Variants in KBTBD11 observed in about 807,000 individuals in gnomAD.
The protein encoded by KBTBD11 is kelch repeat and BTB domain-containing protein 11.
For missense variants in KBTBD11, 1,390 were observed against 1,001.8 expected, an observed-to-expected ratio of 1.39 and a Z score of -5.23; for synonymous variants, 747 against 499.0, an observed-to-expected ratio of 1.50 and a Z score of -6.63.
In KBTBD11 at chr8:2,001,469, T is replaced by TC; in HGVS notation, c.281dup (p.Glu95Ter). On this transcript the variant is annotated frameshift_variant, in exon 2 of 2. Transcript: ENST00000320248. LOFTEE classifies it low-confidence loss of function (END_TRUNC). ...CGCCGCGTCCCCGGAGGAGCTCGCG[T>TC]CCCCTGAGGAGCGCGCGTGCCCGGA... 2 of 1,362,938 alleles carry TC rather than the reference T, an allele frequency of 1.5e-6. No individual in the cohort carries two copies. Among genetic ancestry groups the TC allele is most frequent in the Non-Finnish European group, 1.9e-6 (2 of 1,066,250 alleles). The allele number at this position is 1,362,938 out of a possible 1,614,324, so 84.4% of individuals were successfully genotyped here. A position where few individuals can be genotyped will look rare whatever the true frequency, so the allele number is the denominator to read the frequency against.
In KBTBD11 at chr8:1,973,904, G is replaced by A. The variant is rs1816210594; in HGVS notation, c.-940G>A. 2 of 982,812 alleles carry A rather than the reference G, an allele frequency of 2.0e-6. No homozygotes were observed. The highest frequency in any genetic ancestry group is 2.4e-6 in the Non-Finnish European group (2 of 828,812). The allele number at this position is 982,812 out of a possible 1,614,324, so 60.9% of individuals were successfully genotyped here. A position where few individuals can be genotyped will look rare whatever the true frequency, so the allele number is the denominator to read the frequency against. On this transcript the variant is annotated 5_prime_UTR_variant, in exon 1 of 2. Transcript: ENST00000320248. ...GCCCACCCGCCTGGCTGCGCGTCCC[G>A]GGCCCGGCGGCTGAAGAGGAGCCGC...
In KBTBD11 at chr8:2,002,371, C is replaced by T. The variant is rs781084410; in HGVS notation, c.1179C>T (p.Ser393=). 5 of 1,476,146 alleles carry T rather than the reference C, an allele frequency of 3.4e-6. No individual in the cohort carries two copies. The highest frequency in any genetic ancestry group is 2.3e-5 in the Admixed American group (1 of 43,752). The allele number at this position is 1,476,146 out of a possible 1,614,324, so 91.4% of individuals were successfully genotyped here. ...FCYNPATDSW[S]AVRPLRQARS... is the part of the protein sequence containing the mutation. ...ACAACCCGGCCACGGACAGCTGGAG[C>T]GCCGTGAGGCCCCTGCGCCAGGCGC... The change falls in exon 2 of 2, where the codon AGC becomes AGT. Residue 393 remains serine (S), a synonymous_variant. Coordinates refer to ENST00000320248, the MANE Select transcript of KBTBD11 (RefSeq NM_014867.3). This position sits in a 1 kb window ranked among gnomAD's most constrained non-coding sequence, Gnocchi z 4.1.
intron 1 of KBTBD11, among the ~76,000 whole-genome samples, chr8:1,986,492 A>G (rs893239607): frequency 6.6e-6 from 1 of 152,204 alleles, no homozygotes; most frequent in Non-Finnish European, 1.5e-5. Context: ...GTAATCTTGG[A>G]CAAGTCTCTC....
chr8:1,982,156 T>C (rs1435491083), intron 1 of KBTBD11, among the ~76,000 whole-genome samples: 1 of 152,208 alleles, frequency 6.6e-6, no homozygotes, highest in African/African-American at 2.4e-5. Flanking sequence ...AGTTATTTTA[T>C]TGAATCAGTT....
Position 2,001,644 on chromosome 8 carries a change from TGCGCGCGCACAAGGCGGTGCTGGCG to T in KBTBD11, c.459_483del (p.His154AlafsTer18). The stretch of plus-strand genomic sequence containing the variant: ...GTGCTGGAGGTGTCGGGGCGCCGGC[TGCGCGCGCACAAGGCGGTGCTGGCG>T]GCGCGCAGCGACTACTTCCGCGCGC... On this transcript the variant is annotated frameshift_variant, in exon 2 of 2. Transcript: ENST00000320248. LOFTEE classifies it low-confidence loss of function (END_TRUNC). 1 of 1,478,494 alleles carries T rather than the reference TGCGCGCGCACAAGGCGGTGCTGGCG, an allele frequency of 6.8e-7. No homozygotes were observed. Among genetic ancestry groups the T allele is most frequent in the Non-Finnish European group, 8.9e-7 (1 of 1,120,242 alleles). 91.6% of individuals were successfully genotyped at this position (1,478,494 alleles called of 1,614,324 possible).
chr8:2,002,483 C>A lies in KBTBD11; in HGVS notation c.1291C>A (p.Arg431Ser). The A allele has an allele frequency of 6.6e-7, 1 of 1,507,376 alleles. No individual in the cohort carries two copies. Among genetic ancestry groups the A allele is most frequent in the South Asian group, 1.2e-5 (1 of 80,912 alleles). 93.4% of individuals were successfully genotyped at this position (1,507,376 alleles called of 1,614,324 possible). A position where few individuals can be genotyped will look rare whatever the true frequency, so the allele number is the denominator to read the frequency against. ...GCTCAGCGTGGAGCGCTACGACCCG[C>A]GCGCCGACCGCTGGGCCCCCGTGGC... ...CLLSVERYDP[R>S]ADRWAPVAPL... Residue 431 changes from arginine (R) to serine (S), a missense_variant, in exon 2 of 2, where the codon CGC becomes AGC. Arg to Ser is a moderately radical substitution (Grantham distance 110). Coordinates refer to ENST00000320248, the MANE Select transcript of KBTBD11 (RefSeq NM_014867.3). The surrounding 1 kb of genome is among the most constrained non-coding windows in gnomAD (Gnocchi z 4.1).
Position 2,002,492 on chromosome 8 carries a change from C to T in KBTBD11, c.1300C>T (p.Arg434Cys). The T allele has an allele frequency of 1.3e-6, 2 of 1,509,210 alleles. No individual in the cohort carries two copies. Among genetic ancestry groups the T allele is most frequent in the Non-Finnish European group, 1.8e-6 (2 of 1,138,056 alleles). The allele number at this position is 1,509,210 out of a possible 1,614,324, so 93.5% of individuals were successfully genotyped here. Residue 434 changes from arginine to cysteine, a missense_variant, in exon 2 of 2, where the codon CGC becomes TGC. Physicochemically the swap from Arg to Cys is radical, Grantham distance 180 (BLOSUM62 -3). Transcript: ENST00000320248. The surrounding 1 kb of genome is among the most constrained non-coding windows in gnomAD (Gnocchi z 4.1). ...SVERYDPRADRWAPVAPLPRG... is the reference protein window; with the variant it reads ...SVERYDPRADCWAPVAPLPRG... ...GGAGCGCTACGACCCGCGCGCCGAC[C>T]GCTGGGCCCCCGTGGCGCCGCTGCC...
At chr8:2,000,160 C>G (rs928508582) in intron 1 of KBTBD11, 125 bp from the exon 2 acceptor site, 32 of 152,180 alleles carry the variant, frequency 2.1e-4, no homozygotes, top group African/African-American at 7.0e-4. Flanking sequence ...AATCACAACC[C>G]CTTTACAACC....
In KBTBD11 at chr8:2,002,306, C is replaced by A. The variant is rs949356259; in HGVS notation, c.1114C>A (p.Pro372Thr). 127 of 1,355,974 alleles carry A rather than the reference C, an allele frequency of 9.4e-5. 1 individual carries two copies. In the African/African-American group the frequency reaches 1.7e-3, roughly 18 times the overall value. 84.0% of individuals were successfully genotyped at this position (1,355,974 alleles called of 1,614,324 possible). The change falls in exon 2 of 2, where the codon CCC becomes ACC. Residue 372 changes from proline to threonine, a missense_variant. Physicochemically the swap from Pro to Thr is conservative, Grantham distance 38. Transcript: ENST00000320248. This position sits in a 1 kb window ranked among gnomAD's most constrained non-coding sequence, Gnocchi z 4.1. ...FVAGGVAPAGPDGRARPSDQV... is the reference protein window; with the variant it reads ...FVAGGVAPAGTDGRARPSDQV... ...GGCGGGCGGCGTGGCGCCCGCGGGC[C>A]CCGACGGCCGCGCGCGCCCGTCCGA...
intron 1 of KBTBD11, among the ~76,000 whole-genome samples, chr8:1,991,460 C>G (rs1816913465): frequency 1.3e-5 from 2 of 152,228 alleles, no homozygotes; most frequent in Non-Finnish European, 2.9e-5. Flanking sequence ...CTCTCCTGTC[C>G]TCTTCCCATT....
In KBTBD11 at chr8:1,997,790, C is replaced by T. The variant is rs763717165; in HGVS notation, c.-908-2495C>T. On this transcript the variant is annotated intron_variant, in intron 1 of 1. Coordinates refer to ENST00000320248, the MANE Select transcript of KBTBD11 (RefSeq NM_014867.3). ...GTGATTCCTCCCAGTGAGAGTGCGA[C>T]GCTGTACCATGTTGAGACCATCCCC... is the stretch of plus-strand genomic sequence containing the variant. Among the ~76,000 whole-genome samples, 11 of 152,180 alleles carry T rather than the reference C, an allele frequency of 7.2e-5. No individual in the cohort carries two copies. In the East Asian group the frequency reaches 1.5e-3, roughly 21 times the overall value.
At position 1,974,378 on chromosome 8, in the gene KBTBD11, G is replaced by A. The variant is rs1002677969; in HGVS notation, c.-909+443G>A. On this transcript the variant is annotated intron_variant, in intron 1 of 1. Coordinates refer to ENST00000320248, the MANE Select transcript of KBTBD11 (RefSeq NM_014867.3). ...GCCGCCCCAGCCGGCACGGAAGCAG[G>A]AGCAGAAGCCGAAGCCAAGCGCGCG... is the stretch of plus-strand genomic sequence containing the variant. The A allele has an allele frequency of 1.8e-5, 18 of 984,810 alleles. No homozygotes were observed. In the South Asian group the frequency reaches 4.7e-4, roughly 26 times the overall value. The allele number at this position is 984,810 out of a possible 1,614,324, so 61.0% of individuals were successfully genotyped here. A position where few individuals can be genotyped will look rare whatever the true frequency, so the allele number is the denominator to read the frequency against.
At position 2,003,663 on chromosome 8, in the gene KBTBD11, C is replaced by G; in HGVS notation, c.*599C>G. On this transcript the variant is annotated 3_prime_UTR_variant, in exon 2 of 2. Transcript: ENST00000320248. ...TTGATTACCAGTAAGGTTTCTTGTT[C>G]AATATGCATTGGAAGTATTTCCTTC... The G allele has an allele frequency of 6.0e-6, 1 of 167,002 alleles. No individual in the cohort carries two copies. The highest frequency in any genetic ancestry group is 1.5e-5 in the Non-Finnish European group (1 of 68,116). 10.3% of individuals were successfully genotyped at this position (167,002 alleles called of 1,614,324 possible).
chr8:1,989,291 G>A (rs1816821874), intron 1 of KBTBD11, among the ~76,000 whole-genome samples: 1 of 152,200 alleles, frequency 6.6e-6, no homozygotes, highest in Admixed American at 6.5e-5. Flanking sequence ...CTGAATCAAA[G>A]GCTCTTTTGA....
At chr8:1,988,597 G>C (rs1201315104) in intron 1 of KBTBD11, among the ~76,000 whole-genome samples, 1 of 152,102 alleles carries the variant, frequency 6.6e-6, no homozygotes. Flanking sequence ...AAATTTGTTT[G>C]AGTTGTTTGT....
intron 1 of KBTBD11, among the ~76,000 whole-genome samples, chr8:1,980,701 A>G (rs1816512303): frequency 6.6e-6 from 1 of 152,220 alleles, no homozygotes; most frequent in Non-Finnish European, 1.5e-5. Context: ...AGCCTCCGCC[A>G]GCTGGAGGTG....
At position 2,001,136 on chromosome 8, in the gene KBTBD11, C is replaced by A; in HGVS notation, c.-57C>A. The stretch of plus-strand genomic sequence containing the variant: ...CCCCGGAGTAAGGCTCGACCTTGGC[C>A]AGACCTGCAGGCTGCGGAACCGGGG... On this transcript the variant is annotated 5_prime_UTR_variant, in exon 2 of 2. Coordinates refer to ENST00000320248, the MANE Select transcript of KBTBD11 (RefSeq NM_014867.3). 7.8e-7 allele frequency: 1 copy of A among 1,285,086 alleles called. No individual in the cohort carries two copies. Among genetic ancestry groups the A allele is most frequent in the Non-Finnish European group, 9.8e-7 (1 of 1,016,820 alleles). 79.6% of individuals were successfully genotyped at this position (1,285,086 alleles called of 1,614,324 possible).
At position 2,001,985 on chromosome 8, in the gene KBTBD11, G is replaced by A; in HGVS notation, c.793G>A (p.Glu265Lys). Reference protein sequence around the residue: ...AYCFMSDHYLEVLREPAVFGR... With the variant: ...AYCFMSDHYLKVLREPAVFGR... ...CTGCTTCATGAGCGACCACTATCTG[G>A]AGGTGCTGCGCGAGCCCGCCGTGTT... is the stretch of plus-strand genomic sequence containing the variant. Residue 265 changes from glutamate (E) to lysine (K), a missense_variant, in exon 2 of 2, where the codon GAG becomes AAG. Physicochemically the swap from Glu to Lys is moderately conservative, Grantham distance 56. Transcript: ENST00000320248. 1 of 1,443,288 alleles carries A rather than the reference G, an allele frequency of 6.9e-7. No homozygotes were observed. The highest frequency in any genetic ancestry group is 9.2e-7 in the Non-Finnish European group (1 of 1,092,402). 89.4% of individuals were successfully genotyped at this position (1,443,288 alleles called of 1,614,324 possible). A position where few individuals can be genotyped will look rare whatever the true frequency, so the allele number is the denominator to read the frequency against.
chr8:1,977,723 A>G (rs995945885), intron 1 of KBTBD11, among the ~76,000 whole-genome samples: 1 of 151,756 alleles, frequency 6.6e-6, no homozygotes, highest in South Asian at 2.1e-4. Flanking sequence ...TTTAGTAGAG[A>G]TGGGGTCTCA....
Sources: allele counts gnomAD v4.1 joint callset (sites outside exome capture counted in the v4.1 genomes callset), GRCh38; gene constraint gnomAD v4.1.1; non-coding constraint Gnocchi (gnomAD v3.1); transcripts MANE v1.5; gene names NCBI Gene and HGNC (gene_info 2026-07-23, HGNC 2026-07-21).